FAM120B: variants seen among roughly 807,000 people sequenced by gnomAD.
The protein encoded by FAM120B is constitutive coactivator of peroxisome proliferator-activated receptor gamma.
A neutral mutation model predicts 96.3 loss-of-function variants in FAM120B; 83 were observed. The observed-to-expected ratio is 0.86, with a 90% CI of 0.72 to 1.03. The LOEUF (loss-of-function observed/expected upper bound fraction) is 1.03, where lower values mean the gene tolerates loss of function less well. Among genes scored for constraint, FAM120B ranks in the 50% least tolerant of loss-of-function variants. The pLI, the probability that FAM120B is intolerant of heterozygous loss-of-function variation, is 0.00. For synonymous variants in FAM120B, 407 were observed against 402.7 expected (o/e 1.01, Z -0.13); for missense variants, 1,027 against 1,121.2 (o/e 0.92, Z 1.20).
intron 8 of FAM120B, 138 bp from the exon 9 acceptor site, chr6:170,395,349 G>A (rs146118379): frequency 1.7e-4 from 121 of 704,948 alleles, no homozygotes; most frequent in African/African-American, 1.1e-3. Context: ...TTAAATTTGC[G>A]TTTTTTCATG....
Position 170,397,519 on chromosome 6 carries a change from A to G in FAM120B, c.2692+1940A>G. On this transcript the variant is annotated intron_variant, in intron 9 of 10. Transcript: ENST00000476287. The stretch of plus-strand genomic sequence containing the variant: ...CTGTGTGAATCTGGAGTCCACCCCG[A>G]CCGAGAAGCTTGACCCAGGTGATTG... Among the ~76,000 whole-genome samples the G allele has an allele frequency of 1.3e-5, 2 of 152,078 alleles. 1 individual carries two copies. Among genetic ancestry groups the G allele is most frequent in the Non-Finnish European group, 2.9e-5 (2 of 68,018 alleles).
chr6:170,358,219 T>C lies in FAM120B; in HGVS notation c.2191-7T>C, dbSNP rs1053962248. ...GCCTAACACTGGCCTTTCTCTGTCCTTTTCAGGTGGACACGCTTTGCCTGG... is the reference window on the plus strand; with the variant it reads ...GCCTAACACTGGCCTTTCTCTGTCCCTTTCAGGTGGACACGCTTTGCCTGG... On this transcript the variant is annotated splice_region_variant and splice_polypyrimidine_tract_variant and intron_variant, in intron 5 of 10. Transcript: ENST00000476287. The C allele has an allele frequency of 1.3e-6, 2 of 1,589,060 alleles. No individual in the cohort carries two copies. The highest frequency in any genetic ancestry group is 1.7e-6 in the Non-Finnish European group (2 of 1,161,364).
intron 3 of FAM120B, among the ~76,000 whole-genome samples, chr6:170,324,687 TA>T (rs1159286405): frequency 2.0e-5 from 3 of 152,226 alleles, no homozygotes; most frequent in Non-Finnish European, 4.4e-5. Context: ...GATAACCACA[TA>T]AAAAAACCAT....
chr6:170,348,449 A>G, intron 5 of FAM120B, 126 bp downstream of exon 5: 1 of 826,880 alleles, frequency 1.2e-6, no homozygotes, highest in South Asian at 1.8e-5. Flanking sequence ...ATGGAACATT[A>G]TTAGTCCTTT....
chr6:170,290,958 T>G, upstream of FAM120B: 1 of 700,256 alleles, frequency 1.4e-6, no homozygotes, highest in South Asian at 1.5e-5. This position sits in a 1 kb window ranked among gnomAD's most constrained non-coding sequence, Gnocchi z 4.7. Flanking sequence ...CGCCCTTATA[T>G]TCAGCCGGCC....
chr6:170,399,670 T>A, intron 9 of FAM120B, among the ~76,000 whole-genome samples: 1 of 126,448 alleles, frequency 7.9e-6, no homozygotes, highest in Non-Finnish European at 1.6e-5. Context: ...AACTTAGGAG[T>A]GAGTGGGGAA....
chr6:170,363,702 C>T lies in FAM120B; in HGVS notation c.2283+5384C>T, dbSNP rs932636883. On this transcript the variant is annotated intron_variant, in intron 6 of 10. Coordinates refer to ENST00000476287, the MANE Select transcript of FAM120B (RefSeq NM_032448.3). The surrounding 1 kb of genome is among the most constrained non-coding windows in gnomAD (Gnocchi z 4.5). ...AATCACTGTGCTGTGATAGTGTGTG[C>T]ACCAGCGAAACATGGCATTCCTACA... Among the ~76,000 whole-genome samples the T allele has an allele frequency of 2.0e-5, 3 of 152,208 alleles. No individual in the cohort carries two copies. The highest frequency in any genetic ancestry group is 2.9e-5 in the Non-Finnish European group (2 of 68,038).
chr6:170,310,588 A>G (rs1465015893), intron 1 of FAM120B, among the ~76,000 whole-genome samples: 2 of 152,216 alleles, frequency 1.3e-5, no homozygotes, highest in African/African-American at 4.8e-5. Flanking sequence ...CACCTGACAC[A>G]AAGTTTGCTG....
chr6:170,390,771 G>C (rs1342088898), intron 7 of FAM120B, among the ~76,000 whole-genome samples: 1 of 152,156 alleles, frequency 6.6e-6, no homozygotes, highest in African/African-American at 2.4e-5. Flanking sequence ...TACAGAAGCT[G>C]CTTGGTGTTC....
chr6:170,312,424 A>C (rs992214652), intron 1 of FAM120B, among the ~76,000 whole-genome samples: 3 of 152,220 alleles, frequency 2.0e-5, no homozygotes, highest in Admixed American at 2.0e-4. Context: ...GCAATTGATA[A>C]ACATGTTTGA....
intron 1 of FAM120B, among the ~76,000 whole-genome samples, chr6:170,301,425 G>A (rs1242281208): frequency 6.6e-6 from 1 of 152,250 alleles, no homozygotes; most frequent in Non-Finnish European, 1.5e-5. Context: ...GGCCTGTAAT[G>A]GGAGGGGCTG....
chr6:170,346,947 G>A (rs926276607), intron 4 of FAM120B, among the ~76,000 whole-genome samples: 1 of 151,966 alleles, frequency 6.6e-6, no homozygotes, highest in Non-Finnish European at 1.5e-5. Flanking sequence ...ATTATCCTTA[G>A]CATTTTCTTA....
intron 7 of FAM120B, among the ~76,000 whole-genome samples, chr6:170,388,892 A>T (rs1297151214): frequency 6.6e-6 from 1 of 152,234 alleles, no homozygotes; most frequent in Non-Finnish European, 1.5e-5. Flanking sequence ...CCAATAACAT[A>T]AGCCGTCAAT....
At position 170,317,796 on chromosome 6, in the gene FAM120B, G is replaced by A; in HGVS notation, c.406G>A (p.Gly136Arg). The change falls in exon 2 of 11, where the codon GGG (glycine) becomes AGG (arginine). Residue 136 changes from glycine to arginine, a missense_variant. Physicochemically the swap from Gly to Arg is moderately radical, Grantham distance 125. Coordinates refer to ENST00000476287, the MANE Select transcript of FAM120B (RefSeq NM_032448.3). ...CAGAAATATGTTCTTCATCCCCTCA[G>A]GGCTAGCTGTGTTTACACGATTTGC... ...PGRNMFFIPS[G>R]LAVFTRFALK... The A allele has an allele frequency of 6.2e-7, 1 of 1,614,178 alleles. No homozygotes were observed. The highest frequency in any genetic ancestry group is 8.5e-7 in the Non-Finnish European group (1 of 1,180,026).
chr6:170,332,893 A>G (rs185370065), intron 4 of FAM120B, among the ~76,000 whole-genome samples: 1 of 152,128 alleles, frequency 6.6e-6, no homozygotes, highest in Non-Finnish European at 1.5e-5. Context: ...TTTTCAATAT[A>G]GTGGCCCATG....
chr6:170,332,898 C>G (rs532032067), intron 4 of FAM120B, among the ~76,000 whole-genome samples: 18 of 152,130 alleles, frequency 1.2e-4, no homozygotes, highest in Non-Finnish European at 2.2e-4. Context: ...AATATAGTGG[C>G]CCATGTTCTT....
intron 6 of FAM120B, among the ~76,000 whole-genome samples, chr6:170,379,391 T>C (rs1199165114): frequency 1.3e-5 from 2 of 152,218 alleles, no homozygotes; most frequent in Non-Finnish European, 2.9e-5. Context: ...TGCTAGGTCT[T>C]AGGTACAGTT....
rs546622462 is a variant in FAM120B at position 170,344,648 on chromosome 6, A to G, written c.2018-3503A>G. Among the ~76,000 whole-genome samples, 59 of 152,352 alleles carry G rather than the reference A, an allele frequency of 3.9e-4. 1 individual carries two copies. In the South Asian group the frequency reaches 0.012, roughly 30 times the overall value. ...GGATGTCCCCGCCACCACCTGGGCA[A>G]GTCCGTAGATCTGGAGTCCCAGTCA... On this transcript the variant is annotated intron_variant, in intron 4 of 10. Coordinates refer to ENST00000476287, the MANE Select transcript of FAM120B (RefSeq NM_032448.3).
At chr6:170,320,354 T>A (rs1385351028) in intron 2 of FAM120B, among the ~76,000 whole-genome samples, 1 of 152,120 alleles carries the variant, frequency 6.6e-6, no homozygotes, top group Non-Finnish European at 1.5e-5. Context: ...GGTATATCGA[T>A]ATGATCAGAT....
Sources: allele counts gnomAD v4.1 joint callset (sites outside exome capture counted in the v4.1 genomes callset), GRCh38; gene constraint gnomAD v4.1.1; non-coding constraint Gnocchi (gnomAD v3.1); transcripts MANE v1.5; gene names NCBI Gene and HGNC (gene_info 2026-07-23, HGNC 2026-07-21).